Variants in COL12A1 observed in about 807,000 individuals in gnomAD.
COL12A1 encodes collagen type XII alpha 1 chain.
In COL12A1, 114 loss-of-function variants were observed where a neutral mutation model predicts 349.7. That is an observed-to-expected ratio of 0.33 (90% CI 0.28 to 0.38). The LOEUF is 0.38. Ranked by LOEUF, COL12A1 falls within the 10% of genes least tolerant of loss-of-function variation. The probability of loss-of-function intolerance (pLI) is 1.00; values close to 1 mark genes in which losing one functional copy is unlikely to be tolerated. For missense variants in COL12A1, 3,284 were observed against 3,756.9 expected, an observed-to-expected ratio of 0.87 and a Z score of 3.29; for synonymous variants, 1,369 against 1,329.0, an observed-to-expected ratio of 1.03 and a Z score of -0.66.
chr6:75,198,088 G>A lies in COL12A1; in HGVS notation c.74-3141C>T, dbSNP rs993952402. 5.9e-5 allele frequency among the ~76,000 whole-genome samples: 9 copies of A among 152,044 alleles called. No homozygotes were observed. The South Asian group carries it at 1.9e-3, about 32-fold the overall frequency. ...ACACAGCCAATAGGCAACAACACTT[G>A]GATTACATGGTCTGACTACAAAACA... On this transcript the variant is annotated intron_variant, in intron 2 of 65. Coordinates refer to ENST00000322507, the MANE Select transcript of COL12A1 (RefSeq NM_004370.6).
intron 27 of COL12A1, among the ~76,000 whole-genome samples, chr6:75,140,396 C>T (rs1350286168): frequency 2.6e-4 from 39 of 152,128 alleles, no homozygotes; most frequent in Admixed American, 2.4e-3. Context: ...GTGGCTCACG[C>T]CTGTAATCCC....
intron 21 of COL12A1, among the ~76,000 whole-genome samples, chr6:75,150,559 C>T (rs1247237324): frequency 1.3e-5 from 2 of 152,128 alleles, no homozygotes; most frequent in Non-Finnish European, 2.9e-5. Context: ...TGATCATCTA[C>T]AGTTGAGGCA....
intron 52 of COL12A1, among the ~76,000 whole-genome samples, chr6:75,106,800 C>T (rs1768568950): frequency 1.3e-5 from 2 of 151,564 alleles, no homozygotes; most frequent in Non-Finnish European, 2.9e-5. Context: ...GTGAGATTCC[C>T]ACTCTTGATT....
At chr6:75,142,011 T>TGGA (rs780082110) in intron 27 of COL12A1, 21 bp downstream of exon 27, 3 of 1,613,716 alleles carry the variant, frequency 1.9e-6, no homozygotes, top group Non-Finnish European at 2.5e-6. Flanking sequence ...CCATTATCAG[T>TGGA]GGAGCAGGAG....
chr6:75,162,625 CA>C lies in COL12A1; in HGVS notation c.2983+2881del, dbSNP rs369969351. ...GGCAAAGGCTTCATGACTAAAACAC[CA>C]AAAGCAATGGCAATAAAAGCCAAAA... On this transcript the variant is annotated intron_variant, in intron 14 of 65. Transcript: ENST00000322507. Among the ~76,000 whole-genome samples the C allele has an allele frequency of 1.2e-3, 189 of 152,196 alleles. 4 individuals are homozygous for C. The East Asian group carries it at 0.032, about 26-fold the overall frequency.
chr6:75,132,199 T>G, intron 34 of COL12A1, 117 bp from the exon 35 acceptor site: 3 of 1,281,300 alleles, frequency 2.3e-6, no homozygotes, highest in Non-Finnish European at 3.2e-6. Flanking sequence ...TTCTTTATAC[T>G]TCTAATTACC....
chr6:75,144,654 A>G (rs1481865102), intron 25 of COL12A1, among the ~76,000 whole-genome samples: 3 of 152,230 alleles, frequency 2.0e-5, no homozygotes, highest in Admixed American at 6.5e-5. Flanking sequence ...AATGCTTAGT[A>G]AAACAAGTCA....
intron 58 of COL12A1, among the ~76,000 whole-genome samples, chr6:75,101,390 A>G (rs1768294807): frequency 6.6e-6 from 1 of 152,228 alleles, no homozygotes; most frequent in Non-Finnish European, 1.5e-5. Context: ...TTAAAATTTC[A>G]AAGACTCCCC....
Position 75,165,725 on chromosome 6 carries a change from C to G in COL12A1, c.2765G>C (p.Gly922Ala), listed in dbSNP as rs772929582. ...TCCTGGAGCAGATGTCCAATAAGCCCCAATTGATGTGTCAGTGATGTCTTT... is the reference window on the plus strand; with the variant it reads ...TCCTGGAGCAGATGTCCAATAAGCCGCAATTGATGTGTCAGTGATGTCTTT... ...VTKDITDTSI[G>A]AYWTSAPGMV... is the part of the protein sequence containing the mutation. Residue 922 changes from glycine (G) to alanine (A), a missense_variant, in exon 14 of 66, where the codon GGG becomes GCG. Physicochemically the swap from Gly to Ala is moderately conservative, Grantham distance 60 (BLOSUM62 0). Transcript: ENST00000322507. 1 of 1,613,884 alleles carries G rather than the reference C, an allele frequency of 6.2e-7. No homozygotes were observed. Among genetic ancestry groups the G allele is most frequent in the South Asian group, 1.1e-5 (1 of 91,068 alleles).
At chr6:75,140,160 T>C (rs1203233182) in intron 27 of COL12A1, among the ~76,000 whole-genome samples, 1 of 152,194 alleles carries the variant, frequency 6.6e-6, no homozygotes, top group Admixed American at 6.5e-5. Context: ...CTTCCTGACT[T>C]CCTTTTCTGT....
At chr6:75,089,231 T>A (rs935359549) in intron 63 of COL12A1, 57 bp from the exon 64 acceptor site, 1 of 1,284,084 alleles carries the variant, frequency 7.8e-7, no homozygotes, top group African/African-American at 1.5e-5. Flanking sequence ...AGCATGTAAT[T>A]TTCATCTTAA....
chr6:75,113,740 G>A lies in COL12A1; in HGVS notation c.7702C>T (p.Leu2568=), dbSNP rs745685013. Residue 2568 remains leucine, a synonymous_variant, in exon 50 of 66, where the codon CTA becomes TTA. Transcript: ENST00000322507. ...NAFVNQPTAD[L]HPNGLPPSYT... is the part of the protein sequence containing the mutation. The stretch of plus-strand genomic sequence containing the variant: ...GAAGGAGGGAGTCCATTTGGGTGTA[G>A]GTCTCTGTTGGATAAAACAAAAGAA... 6.3e-7 allele frequency: 1 copy of A among 1,581,176 alleles called. No individual in the cohort carries two copies. Among genetic ancestry groups the A allele is most frequent in the South Asian group, 1.2e-5 (1 of 85,382 alleles).
At chr6:75,161,302 C>T (rs1037211733) in intron 14 of COL12A1, among the ~76,000 whole-genome samples, 1 of 152,140 alleles carries the variant, frequency 6.6e-6, no homozygotes, top group Non-Finnish European at 1.5e-5. Flanking sequence ...TAAATCATCT[C>T]TGCATTACTT....
rs768014979 is a variant in COL12A1, at chr6:75,115,970, T to A, written c.7559-48A>T. 2.5e-6 allele frequency: 4 copies of A among 1,612,528 alleles called. No individual in the cohort carries two copies. The Admixed American group carries it at 6.7e-5, about 27-fold the overall frequency. The stretch of plus-strand genomic sequence containing the variant: ...TTAAACGGAGTACATTTTAATTATT[T>A]TATTGCTTAAATCTGGAAATTAATT... On this transcript the variant is annotated intron_variant, in intron 48 of 65. Transcript: ENST00000322507.
chr6:75,183,311 C>A lies in COL12A1; in HGVS notation c.1630G>T (p.Val544Phe). Residue 544 changes from valine (V) to phenylalanine (F), a missense_variant, in exon 10 of 66, where the codon GTC becomes TTC. Physicochemically the swap from Val to Phe is conservative, Grantham distance 50. Coordinates refer to ENST00000322507, the MANE Select transcript of COL12A1 (RefSeq NM_004370.6). ...TTCCCATCCGTGATAAGAATCATGA[C>A]CTTTGGCACATTGCTTCTTGATCCC... is the stretch of plus-strand genomic sequence containing the variant. ...SKGSRSNVPK[V>F]MILITDGKSS... The A allele has an allele frequency of 6.2e-7, 1 of 1,614,202 alleles. No individual in the cohort carries two copies. The highest frequency in any genetic ancestry group is 8.5e-7 in the Non-Finnish European group (1 of 1,180,036).
chr6:75,103,478 C>G (rs553921564), intron 55 of COL12A1, among the ~76,000 whole-genome samples: 57 of 152,282 alleles, frequency 3.7e-4, no homozygotes, highest in African/African-American at 1.1e-3. Flanking sequence ...GTGGGTACCC[C>G]CTCTGCTTCC....
At chr6:75,184,706 A>T (rs1375776067) in intron 8 of COL12A1, among the ~76,000 whole-genome samples, 1 of 152,244 alleles carries the variant, frequency 6.6e-6, no homozygotes, top group Non-Finnish European at 1.5e-5. Context: ...CTATGTTCAC[A>T]GTGCCACCAA....
intron 12 of COL12A1, among the ~76,000 whole-genome samples, chr6:75,177,346 A>T (rs1369977187): frequency 6.6e-6 from 1 of 152,118 alleles, no homozygotes; most frequent in Non-Finnish European, 1.5e-5. Flanking sequence ...CTGAATCAGG[A>T]GAATCACTTG....
Position 75,117,405 on chromosome 6 carries a change from A to G in COL12A1, c.7496T>C (p.Phe2499Ser). ...FEKIEDNLIT[F>S]VCETATSSCP... is the part of the protein sequence containing the mutation. ...ACTTGAAGTGGCAGTTTCACAAACA[A>G]ATGTAATAAGATTGTCTTCGATCTT... The change falls in exon 47 of 66, where the codon TTT becomes TCT. Residue 2499 changes from phenylalanine to serine, a missense_variant. By Grantham distance (155) the Phe-to-Ser change is radical (BLOSUM62 -2). Around this residue, in one of 2 missense-constraint regions of COL12A1, gnomAD observed 683 missense variants for 932.1 expected, o/e 0.73. Coordinates refer to ENST00000322507, the MANE Select transcript of COL12A1 (RefSeq NM_004370.6). The G allele has an allele frequency of 6.2e-7, 1 of 1,613,524 alleles. No homozygotes were observed. Among genetic ancestry groups the G allele is most frequent in the Non-Finnish European group, 8.5e-7 (1 of 1,179,558 alleles).
Sources: gnomAD v4.1 joint callset for allele counts (sites outside exome capture counted in the v4.1 genomes callset) on GRCh38, gnomAD v4.1.1 for gene constraint, gnomAD v4.1.1 regional missense constraint, MANE v1.5 for transcripts, NCBI Gene and HGNC (gene_info 2026-07-23, HGNC 2026-07-21) for gene names.